The following PDHX variants were observed in gnomAD, a reference collection of about 807,000 sequenced individuals.
PDHX encodes the protein pyruvate dehydrogenase complex component X, also known as pyruvate dehydrogenase protein X component, mitochondrial.
Under a neutral mutation model 55.3 loss-of-function variants are expected in PDHX, and 33 were observed. The ratio of observed to expected loss-of-function variants is 0.60; its 90% CI spans 0.45 to 0.80. The LOEUF (loss-of-function observed/expected upper bound fraction) is 0.80. PDHX is among the 30% of genes least tolerant of loss of function. PDHX has a pLI of 0.00. For missense variants in PDHX, 622 were observed against 619.9 expected (o/e 1.00, Z -0.04); for synonymous variants, 226 against 219.4 (o/e 1.03, Z -0.27).
At chr11:34,989,460 A>G (rs572905810) in intron 9 of PDHX, among the ~76,000 whole-genome samples, 22 of 152,270 alleles carry the variant, frequency 1.4e-4, no homozygotes, top group African/African-American at 4.6e-4. Flanking sequence ...TCCCCGAGGA[A>G]TGTGAGGTTG....
At chr11:34,950,596 A>G (rs1354061187) in intron 3 of PDHX, among the ~76,000 whole-genome samples, 2 of 149,994 alleles carry the variant, frequency 1.3e-5, no homozygotes, top group Admixed American at 6.7e-5. Flanking sequence ...TCATTGTTCA[A>G]TTCCCATCTA....
At chr11:34,942,835 TCTC>T (rs987292664) in intron 2 of PDHX, among the ~76,000 whole-genome samples, 2 of 152,182 alleles carry the variant, frequency 1.3e-5, no homozygotes, top group South Asian at 2.1e-4. Flanking sequence ...TTTCCTTCTC[TCTC>T]CTCCTGCTTT....
chr11:34,963,766 T>G (rs2133978337), intron 5 of PDHX, among the ~76,000 whole-genome samples: 1 of 152,352 alleles, frequency 6.6e-6, no homozygotes, highest in East Asian at 1.9e-4. Context: ...ATACATGTTG[T>G]ACCAAAGAAT....
chr11:34,946,556 C>T (rs977018061), intron 2 of PDHX, among the ~76,000 whole-genome samples: 1 of 152,152 alleles, frequency 6.6e-6, no homozygotes, highest in African/African-American at 2.4e-5. Context: ...CGATCCTTGC[C>T]ACCATCCAAG....
rs111800122 is a variant in PDHX at position 34,957,683 on chromosome 11, A to T, written c.542+100A>T. The stretch of plus-strand genomic sequence containing the variant: ...TCATATTCGCACATCGTTGTACATC[A>T]CGTAGGAAGTTGCTGTTCTCAGCAC... On this transcript the variant is annotated intron_variant, in intron 4 of 10. Coordinates refer to ENST00000227868, the MANE Select transcript of PDHX (RefSeq NM_003477.3). The T allele has an allele frequency of 6.2e-4, 602 of 966,254 alleles. 8 individuals carry two copies. In the African/African-American group the frequency reaches 8.5e-3, roughly 14 times the overall value. The allele number at this position is 966,254 out of a possible 1,614,324, so 59.9% of individuals were successfully genotyped here. A position where few individuals can be genotyped will look rare whatever the true frequency, so the allele number is the denominator to read the frequency against.
intron 9 of PDHX, among the ~76,000 whole-genome samples, chr11:34,991,906 C>CAAAAAAAAAAAAAAAAAAAAAAATAAA (rs1169109545): frequency 2.7e-5 from 1 of 37,314 alleles, no homozygotes; most frequent in African/African-American, 6.2e-5. Flanking sequence ...TGAGACTTCT[C>CAAAAAAAAAAAAAAAAAAAAAAATAAA]AAAAAAAAAA....
chr11:34,955,680 T>C (rs1206461851), intron 3 of PDHX, among the ~76,000 whole-genome samples: 1 of 152,108 alleles, frequency 6.6e-6, no homozygotes, highest in African/African-American at 2.4e-5. Flanking sequence ...CAATGTTACG[T>C]TGGTAGAGTA....
chr11:34,939,496 T>TGTGTGTGC (rs1340716200), intron 2 of PDHX, among the ~76,000 whole-genome samples: 1 of 136,744 alleles, frequency 7.3e-6, no homozygotes, highest in Non-Finnish European at 1.6e-5. Flanking sequence ...TGTGTGTGTG[T>TGTGTGTGC]GTGTGTGTGC....
intron 7 of PDHX, chr11:34,977,907 A>C: frequency 1.7e-6 from 1 of 589,368 alleles, no homozygotes; most frequent in East Asian, 3.6e-5. Context: ...AAGGCCCAGA[A>C]GTAAACTTAC....
intron 2 of PDHX, among the ~76,000 whole-genome samples, chr11:34,936,701 T>C (rs1363070056): frequency 6.6e-6 from 1 of 151,988 alleles, no homozygotes; most frequent in Admixed American, 6.6e-5. Flanking sequence ...CTGCAGTTTA[T>C]CAGTCTGTGA....
At position 34,984,715 on chromosome 11, in the gene PDHX, C is replaced by G; in HGVS notation, c.1169C>G (p.Ala390Gly). The G allele has an allele frequency of 6.2e-7, 1 of 1,613,866 alleles. No homozygotes were observed. Among genetic ancestry groups the G allele is most frequent in the Non-Finnish European group, 8.5e-7 (1 of 1,179,794 alleles). The change falls in exon 9 of 11, where the codon GCT becomes GGT. Residue 390 changes from alanine (A) to glycine (G), a missense_variant. Transcript: ENST00000227868. ...DAAAKGIQEI[A>G]DSVKALSKKA... ...GCTGCTAAAGGTATCCAGGAAATTG[C>G]TGACTCTGTAAAGGTATGTCTTAAG...
chr11:34,987,560 T>A (rs1564933555), intron 9 of PDHX, among the ~76,000 whole-genome samples: 1 of 152,072 alleles, frequency 6.6e-6, no homozygotes, highest in African/African-American at 2.4e-5. Context: ...AGTTTTTTGT[T>A]GAAGTGGTTT....
At chr11:34,917,570 C>T (rs1402767226) in intron 1 of PDHX, among the ~76,000 whole-genome samples, 1 of 151,970 alleles carries the variant, frequency 6.6e-6, no homozygotes, top group African/African-American at 2.4e-5. Context: ...ATAGGACTGA[C>T]GTTTTTTAGT....
intron 2 of PDHX, 27 bp from the exon 3 acceptor site, chr11:34,947,479 C>G (rs1237721974): frequency 6.6e-7 from 1 of 1,516,342 alleles, no homozygotes; most frequent in South Asian, 1.1e-5. Context: ...TTTTAAAAAA[C>G]AAAACAAACC....
intron 2 of PDHX, among the ~76,000 whole-genome samples, chr11:34,935,217 C>G (rs1854280909): frequency 6.6e-6 from 1 of 151,768 alleles, no homozygotes; most frequent in Non-Finnish European, 1.5e-5. Flanking sequence ...ATAGTGCTTT[C>G]AGGATATAAT....
chr11:34,979,902 C>T (rs1855470484), intron 8 of PDHX, among the ~76,000 whole-genome samples: 1 of 151,758 alleles, frequency 6.6e-6, no homozygotes, highest in Admixed American at 6.6e-5. Flanking sequence ...TTTCTTTCCT[C>T]TGTACACATT....
At chr11:34,983,378 C>G (rs1190941186) in intron 8 of PDHX, among the ~76,000 whole-genome samples, 6 of 152,178 alleles carry the variant, frequency 3.9e-5, no homozygotes, top group East Asian at 3.8e-4. Context: ...CAGAGATGCT[C>G]TCTCTCACCA....
At chr11:34,931,812 TTGTGTGTGTGTG>T (rs35425265) in intron 2 of PDHX, among the ~76,000 whole-genome samples, 24,704 of 146,108 alleles carry the variant, frequency 0.17, 2,592 homozygotes, top group African/African-American at 0.31. Flanking sequence ...TTTATCATGA[TTGTGTGTGTGTG>T]TGTGTGTGTG....
At chr11:34,982,590 T>C (rs915318484) in intron 8 of PDHX, among the ~76,000 whole-genome samples, 3 of 152,024 alleles carry the variant, frequency 2.0e-5, no homozygotes, top group Admixed American at 2.0e-4. Flanking sequence ...ATAAAGGCGA[T>C]ATCACCACCG....
Sources: allele counts gnomAD v4.1 joint callset (sites outside exome capture counted in the v4.1 genomes callset), GRCh38; gene constraint gnomAD v4.1.1; transcripts MANE v1.5; gene names NCBI Gene and HGNC (gene_info 2026-07-23, HGNC 2026-07-21).